Variants in LCORL observed in about 807,000 individuals in gnomAD.
LCORL encodes the protein ligand dependent nuclear receptor corepressor like.
A neutral mutation model predicts 141.8 loss-of-function variants in LCORL; 41 were observed. The ratio of observed to expected loss-of-function variants is 0.29; its 90% confidence interval spans 0.23 to 0.38. The LOEUF is 0.38. LCORL is among the 10% of genes least tolerant of loss of function. LCORL has a pLI of 1.00. For synonymous variants in LCORL, 618 were observed against 694.1 expected (o/e 0.89, Z 1.72); for missense variants, 1,759 against 2,035.0 (o/e 0.86, Z 2.61).
At chr4:17,911,841 C>T (rs1052750985) in intron 4 of LCORL, 35 of 455,022 alleles carry the variant, frequency 7.7e-5, no homozygotes, top group East Asian at 4.1e-4. Flanking sequence ...GCTTCCAGGG[C>T]GGCTTGAGGT....
intron 4 of LCORL, among the ~76,000 whole-genome samples, chr4:17,913,767 T>C (rs1732945170): frequency 6.6e-6 from 1 of 152,180 alleles, no homozygotes; most frequent in Non-Finnish European, 1.5e-5. Flanking sequence ...ATTTTTTTGT[T>C]TCCTAATCTT....
chr4:17,943,988 TTCCTCAAAAGAGGA>T lies in LCORL; in HGVS notation c.430+17901_430+17914del, dbSNP rs1182627709. ...ATGAAGCTACCCACCCTAGGTGGTTTTCCTCAAAAGAGGATATGGGCATGGTATCTTCTTTTAGT... is the reference window on the plus strand; with the variant it reads ...ATGAAGCTACCCACCCTAGGTGGTTTTATGGGCATGGTATCTTCTTTTAGT... On this transcript the variant is annotated intron_variant, in intron 4 of 7. Transcript: ENST00000635767. 2.0e-5 allele frequency among the ~76,000 whole-genome samples: 3 copies of T among 152,322 alleles called. No individual in the cohort carries two copies. In the East Asian group the frequency reaches 5.8e-4, roughly 29 times the overall value.
chr4:17,980,220 CT>C (rs891875038), intron 1 of LCORL, among the ~76,000 whole-genome samples: 4 of 152,196 alleles, frequency 2.6e-5, no homozygotes, highest in South Asian at 2.1e-4. Flanking sequence ...AATTTCATGG[CT>C]TGAAGTTCCT....
At chr4:17,860,183 G>A (rs1487555778) in intron 7 of LCORL, among the ~76,000 whole-genome samples, 5 of 152,256 alleles carry the variant, frequency 3.3e-5, no homozygotes, top group Non-Finnish European at 1.5e-5. Flanking sequence ...AAAGCTGGAG[G>A]CATCACATTA....
At chr4:17,893,880 C>A (rs1469280475) in intron 5 of LCORL, among the ~76,000 whole-genome samples, 1 of 152,130 alleles carries the variant, frequency 6.6e-6, no homozygotes, top group Non-Finnish European at 1.5e-5. Flanking sequence ...CTCACTGCAA[C>A]CTCTGCCTCC....
intron 1 of LCORL, among the ~76,000 whole-genome samples, chr4:17,992,518 T>C (rs757593386): frequency 9.2e-5 from 14 of 152,242 alleles, no homozygotes; most frequent in Non-Finnish European, 1.5e-4. Flanking sequence ...TCTGATTTCA[T>C]TACATTGTAT....
chr4:17,893,331 A>G, intron 5 of LCORL: 1 of 912,920 alleles, frequency 1.1e-6, no homozygotes, highest in Non-Finnish European at 1.3e-6. Context: ...TATATATACA[A>G]GACACACAAT....
intron 1 of LCORL, among the ~76,000 whole-genome samples, chr4:17,973,323 C>A (rs1157443248): frequency 1.3e-5 from 2 of 151,734 alleles, no homozygotes; most frequent in African/African-American, 2.4e-5. Context: ...AGGGAGAAAT[C>A]TTTCTGTTAA....
exon 7 of LCORL, chr4:17,876,943 G>T (rs1175708028): frequency 4.1e-6 from 5 of 1,230,592 alleles, no homozygotes; most frequent in Non-Finnish European, 5.1e-6. Flanking sequence ...TTTTTACCTT[G>T]AAGTCTTTTA....
At chr4:17,883,690 A>ACACT (rs1452476197) in intron 6 of LCORL, 1 of 1,497,352 alleles carries the variant, frequency 6.7e-7, no homozygotes, top group African/African-American at 1.4e-5. Flanking sequence ...ACACACACAC[A>ACACT]CACTCACAAA....
intron 1 of LCORL, among the ~76,000 whole-genome samples, chr4:17,981,460 T>G (rs1175637066): frequency 6.6e-6 from 1 of 152,168 alleles, no homozygotes; most frequent in East Asian, 1.9e-4. Flanking sequence ...AATATTCTAC[T>G]TTCAGATTTC....
chr4:17,899,016 G>C (rs1000019836), intron 5 of LCORL, among the ~76,000 whole-genome samples: 11 of 152,150 alleles, frequency 7.2e-5, no homozygotes, highest in African/African-American at 2.7e-4. Context: ...CAGTGTGACA[G>C]GTGTGAATCA....
chr4:17,989,969 G>C (rs1485317143), intron 1 of LCORL, among the ~76,000 whole-genome samples: 1 of 152,060 alleles, frequency 6.6e-6, no homozygotes, highest in Non-Finnish European at 1.5e-5. Flanking sequence ...GCCATCCTCT[G>C]GCTCCTAGAG....
At chr4:17,944,273 G>A (rs1201361186) in intron 4 of LCORL, among the ~76,000 whole-genome samples, 1 of 152,018 alleles carries the variant, frequency 6.6e-6, no homozygotes, top group Non-Finnish European at 1.5e-5. Context: ...GACCCCTGTT[G>A]TGCTATCAAA....
chr4:17,917,668 C>G (rs1208901275), intron 4 of LCORL, among the ~76,000 whole-genome samples: 1 of 152,174 alleles, frequency 6.6e-6, no homozygotes, highest in Non-Finnish European at 1.5e-5. Flanking sequence ...AAATATACTT[C>G]AGAAAGGTGA....
intron 5 of LCORL, among the ~76,000 whole-genome samples, chr4:17,903,304 A>T (rs191554663): frequency 1.8e-4 from 27 of 152,172 alleles, no homozygotes; most frequent in African/African-American, 6.0e-4. Context: ...TATTCATCGG[A>T]TCTTATGGCA....
At chr4:17,858,729 A>AAATAAT (rs567498935) in intron 7 of LCORL, among the ~76,000 whole-genome samples, 6,563 of 149,112 alleles carry the variant, frequency 0.044, 166 homozygotes, top group South Asian at 0.068. Context: ...ACTCCATCTC[A>AAATAAT]AATAATAATA....
intron 7 of LCORL, among the ~76,000 whole-genome samples, chr4:17,871,890 T>C (rs1726381520): frequency 6.6e-6 from 1 of 152,032 alleles, no homozygotes; most frequent in Admixed American, 6.6e-5. Context: ...CATTGCATGT[T>C]AGATATTTGA....
chr4:17,952,543 G>A (rs1711596247), intron 4 of LCORL, among the ~76,000 whole-genome samples: 1 of 151,006 alleles, frequency 6.6e-6, no homozygotes, highest in African/African-American at 2.4e-5. Flanking sequence ...AGCCTCCCCT[G>A]TAGCTGGGAT....
Sources: gnomAD v4.1 joint callset for allele counts (sites outside exome capture counted in the v4.1 genomes callset) on GRCh38, gnomAD v4.1.1 for gene constraint, MANE v1.5 for transcripts, NCBI Gene and HGNC (gene_info 2026-07-23, HGNC 2026-07-21) for gene names.